PCDH17: variants seen among roughly 807,000 people sequenced by gnomAD.
PCDH17 encodes the protein protocadherin 17, also known as protocadherin-17.
PCDH17 carries 21 observed loss-of-function variants against 67.7 expected under a neutral mutation model. That is an observed-to-expected ratio of 0.31 (90% confidence interval 0.22 to 0.45). PCDH17 has a LOEUF of 0.45. Ranked by LOEUF, PCDH17 falls within the 20% of genes least tolerant of loss-of-function variation. The pLI is 1.00. For missense variants in PCDH17, 1,471 were observed against 1,564.8 expected, an observed-to-expected ratio of 0.94 and a Z score of 1.01; for synonymous variants, 701 against 656.7, an observed-to-expected ratio of 1.07 and a Z score of -1.03.
chr13:57,670,831 T>C (rs1049195937), intron 3 of PCDH17, among the ~76,000 whole-genome samples: 1 of 151,908 alleles, frequency 6.6e-6, no homozygotes, highest in Non-Finnish European at 1.5e-5. Flanking sequence ...CTGATATTTG[T>C]GTATTTTTGC....
At chr13:57,706,777 G>C (rs1447779530) in intron 3 of PCDH17, among the ~76,000 whole-genome samples, 2 of 152,082 alleles carry the variant, frequency 1.3e-5, no homozygotes, top group Non-Finnish European at 2.9e-5. Flanking sequence ...AACCACTGTT[G>C]AAATGGTGGA....
intron 1 of PCDH17, among the ~76,000 whole-genome samples, chr13:57,654,028 T>C (rs941875327): frequency 2.0e-5 from 3 of 152,148 alleles, no homozygotes; most frequent in African/African-American, 7.2e-5. Context: ...GAAAATGATT[T>C]GTGTTTTTTC....
In PCDH17 at chr13:57,725,335, T is replaced by C; in HGVS notation, c.*41T>C. On this transcript the variant is annotated 3_prime_UTR_variant, in exon 4 of 4. Coordinates refer to ENST00000377918, the MANE Select transcript of PCDH17 (RefSeq NM_001040429.3). ...AAGGCATTGGCATTTTCTTGTCTCTTCTGTTGATTTAAAAATGATCCCTCC... is the reference window on the plus strand; with the variant it reads ...AAGGCATTGGCATTTTCTTGTCTCTCCTGTTGATTTAAAAATGATCCCTCC... 2.0e-6 allele frequency: 3 copies of C among 1,531,980 alleles called. No homozygotes were observed. The highest frequency in any genetic ancestry group is 2.6e-6 in the Non-Finnish European group (3 of 1,132,642). 94.9% of individuals were successfully genotyped at this position (1,531,980 alleles called of 1,614,324 possible).
At chr13:57,656,251 A>G (rs1018779449) in intron 1 of PCDH17, among the ~76,000 whole-genome samples, 3 of 152,138 alleles carry the variant, frequency 2.0e-5, no homozygotes, top group Non-Finnish European at 2.9e-5. Context: ...TTTAGACTCA[A>G]TGCATTATAG....
intron 3 of PCDH17, among the ~76,000 whole-genome samples, chr13:57,716,524 CTGATCAGCCTT>C (rs1955817934): frequency 6.6e-6 from 1 of 151,826 alleles, no homozygotes; most frequent in Admixed American, 6.6e-5. Flanking sequence ...TGTTGAAACC[CTGATCAGCCTT>C]TGAATCACAG....
In PCDH17 at chr13:57,634,601, C is replaced by G. The variant is rs748603412; in HGVS notation, c.2055C>G (p.Ser685Arg). The change falls in exon 1 of 4, where the codon AGC (serine) becomes AGG (arginine). Residue 685 changes from serine (S) to arginine (R), a missense_variant. Ser to Arg is a moderately radical substitution (Grantham distance 110). This residue lies in a region of PCDH17 where 1,163 missense variants were observed against 1,230.0 expected (regional missense o/e 0.95). Transcript: ENST00000377918. This position sits in a 1 kb window ranked among gnomAD's most constrained non-coding sequence, Gnocchi z 7.8. ...CCAAGCTCATCATCCGCTCGGTGAG[C>G]GGATCCCTTCCCGAGGGGGTACCAC... Reference protein sequence around the residue: ...AVAKLIIRSVSGSLPEGVPRV... With the variant: ...AVAKLIIRSVRGSLPEGVPRV... The G allele has an allele frequency of 8.1e-6, 13 of 1,613,374 alleles. No homozygotes were observed. The highest frequency in any genetic ancestry group is 1.3e-5 in the African/African-American group (1 of 75,004).
At chr13:57,675,995 G>A (rs1355356407) in intron 3 of PCDH17, among the ~76,000 whole-genome samples, 3 of 151,752 alleles carry the variant, frequency 2.0e-5, no homozygotes. Flanking sequence ...TAATGATAAT[G>A]GATTGCTTAG....
intron 3 of PCDH17, among the ~76,000 whole-genome samples, chr13:57,695,710 G>A (rs542656548): frequency 2.1e-4 from 32 of 151,388 alleles, no homozygotes; most frequent in African/African-American, 7.7e-4. Context: ...GACCAATGTG[G>A]TAGATTACAA....
chr13:57,720,960 A>T (rs1248931830), intron 3 of PCDH17, among the ~76,000 whole-genome samples: 2 of 152,120 alleles, frequency 1.3e-5, no homozygotes, highest in Non-Finnish European at 2.9e-5. Context: ...ATACTAAACA[A>T]GTGTTTAAAG....
chr13:57,635,180 G>C, intron 1 of PCDH17, 69 bp downstream of exon 1: 2 of 1,521,370 alleles, frequency 1.3e-6, no homozygotes, highest in Non-Finnish European at 1.8e-6. Flanking sequence ...GAAACCTTTG[G>C]AACAGGGCAA....
chr13:57,641,573 AAAAAAAAAAAAAAAAT>A (rs1365430375), intron 1 of PCDH17, among the ~76,000 whole-genome samples: 195 of 59,870 alleles, frequency 3.3e-3, no homozygotes, highest in East Asian at 0.013. Flanking sequence ...AAAAAAAAAA[AAAAAAAAAAAAAAAAT>A]ATATATATAT....
chr13:57,630,817 G>A (rs1341869074), upstream of PCDH17, among the ~76,000 whole-genome samples: 1 of 152,192 alleles, frequency 6.6e-6, no homozygotes, highest in African/African-American at 2.4e-5. Context: ...AGGACCATGA[G>A]GCGAGAGTGA....
intron 1 of PCDH17, among the ~76,000 whole-genome samples, chr13:57,662,776 G>A (rs1366066297): frequency 6.6e-6 from 1 of 152,098 alleles, no homozygotes; most frequent in Non-Finnish European, 1.5e-5. Context: ...ATTTATAAAT[G>A]TACCACAGTT....
chr13:57,667,371 G>C (rs942255360), intron 3 of PCDH17, among the ~76,000 whole-genome samples: 1 of 151,680 alleles, frequency 6.6e-6, no homozygotes, highest in African/African-American at 2.4e-5. Context: ...ATATCAAATG[G>C]GTAATAAAGC....
intron 3 of PCDH17, 106 bp downstream of exon 3, chr13:57,666,939 A>G (rs1176060955): frequency 1.2e-6 from 1 of 817,164 alleles, no homozygotes; most frequent in Admixed American, 3.4e-5. Flanking sequence ...ACCATTTATA[A>G]TATATCAAAG....
At chr13:57,631,504 CG>C (rs1954719637), upstream of PCDH17, among the ~76,000 whole-genome samples, 1 of 152,092 alleles carries the variant, frequency 6.6e-6, no homozygotes, top group South Asian at 2.1e-4. Context: ...TCCTTGCTCG[CG>C]GGGAGAGGAT....
At chr13:57,671,245 T>C (rs1289813207) in intron 3 of PCDH17, among the ~76,000 whole-genome samples, 1 of 151,952 alleles carries the variant, frequency 6.6e-6, no homozygotes, top group South Asian at 2.1e-4. Context: ...TATGTATTTT[T>C]ACCTAATAAA....
rs2138113635 is a variant in PCDH17, at chr13:57,729,256, G to C, written c.*3962G>C. ...CTCAACGCTATTGTTTAATGGCTGT[G>C]TTTAATGTGATCTATCTGGAAAATG... On this transcript the variant is annotated 3_prime_UTR_variant, in exon 4 of 4. Coordinates refer to ENST00000377918, the MANE Select transcript of PCDH17 (RefSeq NM_001040429.3). 6.6e-6 allele frequency: 1 copy of C among 152,228 alleles called. No homozygotes were observed. The highest frequency in any genetic ancestry group is 1.9e-4 in the East Asian group (1 of 5,178). The allele number at this position is 152,228 out of a possible 1,614,324, so 9.4% of individuals were successfully genotyped here. A position where few individuals can be genotyped will look rare whatever the true frequency, so the allele number is the denominator to read the frequency against.
At chr13:57,707,334 C>CGTGTGTGTGTGTGT (rs56840875) in intron 3 of PCDH17, among the ~76,000 whole-genome samples, 12 of 145,812 alleles carry the variant, frequency 8.2e-5, no homozygotes, top group African/African-American at 2.5e-4. Flanking sequence ...GATATATGAC[C>CGTGTGTGTGTGTGT]GTGTGTGTGT....
Sources: allele counts gnomAD v4.1 joint callset (sites outside exome capture counted in the v4.1 genomes callset), GRCh38; gene constraint gnomAD v4.1.1; regional missense constraint gnomAD v4.1.1; non-coding constraint Gnocchi (gnomAD v3.1); transcripts MANE v1.5; gene names NCBI Gene and HGNC (gene_info 2026-07-23, HGNC 2026-07-21).